The following ABCA13 variants were observed in gnomAD, a reference collection of about 807,000 sequenced individuals.
ABCA13 encodes the protein ATP-binding cassette sub-family A member 13.
Under a neutral mutation model 478.7 loss-of-function variants are expected in ABCA13, and 476 were observed. That is an observed-to-expected ratio of 0.99 (90% CI 0.92 to 1.07). The LOEUF is 1.07. ABCA13 is among the 50% of genes least tolerant of loss of function. The probability of loss-of-function intolerance (pLI) is 0.00; values close to 1 mark genes in which losing one functional copy is unlikely to be tolerated. For synonymous variants in ABCA13, 2,252 were observed against 2,158.9 expected (o/e 1.04, Z -1.20); for missense variants, 6,060 against 5,910.6 (o/e 1.03, Z -0.83).
rs776618097 is a variant in ABCA13 at position 48,274,846 on chromosome 7, A to G, written c.5180A>G (p.His1727Arg). Residue 1727 changes from histidine to arginine, a missense_variant, in exon 17 of 62, where the codon CAT becomes CGT. Physicochemically the swap from His to Arg is conservative, Grantham distance 29. This residue lies in a region of ABCA13 where 4,423 missense variants were observed against 4,309.1 expected (regional missense o/e 1.03). Transcript: ENST00000435803. ...ADSSHSWNVNHLLQLSRLFPK... is the reference protein window; with the variant it reads ...ADSSHSWNVNRLLQLSRLFPK... ...AGCTCACATTCTTGGAATGTTAATC[A>G]TCTGCTGCAGCTCTCACGCCTGTTT... is the stretch of plus-strand genomic sequence containing the variant. 2 of 1,613,804 alleles carry G rather than the reference A, an allele frequency of 1.2e-6. No individual in the cohort carries two copies. Among genetic ancestry groups the G allele is most frequent in the African/African-American group, 1.3e-5 (1 of 74,896 alleles).
In ABCA13 at chr7:48,580,433, CCTCTGG is replaced by C. The variant is rs1788603974; in HGVS notation, c.14505+63_14505+68del. On this transcript the variant is annotated intron_variant, in intron 56 of 61. Coordinates refer to ENST00000435803, the MANE Select transcript of ABCA13 (RefSeq NM_152701.5). ...CCCATTGAGGAATGCTTGGTGACCACCTCTGGCTCCAAGGCAGCTCTCTCACCCTAT... is the reference window on the plus strand; with the variant it reads ...CCCATTGAGGAATGCTTGGTGACCACCTCCAAGGCAGCTCTCTCACCCTAT... 1.6e-5 allele frequency: 25 copies of C among 1,537,622 alleles called. No individual in the cohort carries two copies. In the South Asian group the frequency reaches 3.0e-4, roughly 18 times the overall value.
chr7:48,322,542 C>G (rs1293610983), intron 27 of ABCA13, among the ~76,000 whole-genome samples: 1 of 152,180 alleles, frequency 6.6e-6, no homozygotes, highest in Non-Finnish European at 1.5e-5. Context: ...ATGTCTCTCC[C>G]TGTTCCCACT....
intron 40 of ABCA13, 115 bp from the exon 41 acceptor site, chr7:48,412,238 A>G: frequency 1.3e-6 from 1 of 743,508 alleles, no homozygotes; most frequent in East Asian, 2.7e-5. Flanking sequence ...TATTTCATTT[A>G]AGCTTTGAAA....
chr7:48,527,427 C>A (rs887929965), intron 54 of ABCA13, among the ~76,000 whole-genome samples: 1 of 152,074 alleles, frequency 6.6e-6, no homozygotes, highest in Non-Finnish European at 1.5e-5. Context: ...ATCCATAGAT[C>A]GCAGCTCCTA....
chr7:48,580,189 C>T, intron 55 of ABCA13, 35 bp from the exon 56 acceptor site: 1 of 1,558,768 alleles, frequency 6.4e-7, no homozygotes, highest in Non-Finnish European at 8.7e-7. Flanking sequence ...GTTTGGGAAA[C>T]TGCTGTTCTC....
At chr7:48,240,794 T>G in intron 9 of ABCA13, 73 bp from the exon 10 acceptor site, 1 of 1,282,740 alleles carries the variant, frequency 7.8e-7, no homozygotes. Context: ...GGTATGTTAA[T>G]ATTTCTTAAC....
At position 48,275,263 on chromosome 7, in the gene ABCA13, C is replaced by A; in HGVS notation, c.5597C>A (p.Pro1866His). ...ASILDHFHLS[P>H]QGEDSPCSNE... ...ATACTTGATCATTTCCACCTGTCTC[C>A]CCAAGGTGAAGATTCACCATGTTCA... Residue 1866 changes from proline to histidine, a missense_variant, in exon 17 of 62, where the codon CCC becomes CAC. Transcript: ENST00000435803. The A allele has an allele frequency of 6.2e-7, 1 of 1,613,804 alleles. No individual in the cohort carries two copies. Among genetic ancestry groups the A allele is most frequent in the Non-Finnish European group, 8.5e-7 (1 of 1,179,836 alleles).
chr7:48,195,010 C>T (rs1405483862), intron 2 of ABCA13, among the ~76,000 whole-genome samples: 1 of 152,158 alleles, frequency 6.6e-6, no homozygotes, highest in Non-Finnish European at 1.5e-5. Context: ...GGATTTTATA[C>T]AGGGAGCCAT....
At chr7:48,201,583 G>A (rs1023064754) in intron 3 of ABCA13, among the ~76,000 whole-genome samples, 16 of 152,160 alleles carry the variant, frequency 1.1e-4, no homozygotes, top group African/African-American at 9.7e-5. Context: ...AGCTGGGCGT[G>A]GTGGCAGGCA....
In ABCA13 at chr7:48,352,246, C is replaced by T. The variant is rs1809132227; in HGVS notation, c.10447C>T (p.His3483Tyr). The T allele has an allele frequency of 6.2e-7, 1 of 1,613,216 alleles. No homozygotes were observed. The highest frequency in any genetic ancestry group is 8.5e-7 in the Non-Finnish European group (1 of 1,179,366). The change falls in exon 31 of 62, where the codon CAT becomes TAT. Residue 3483 changes from histidine to tyrosine, a missense_variant. By Grantham distance (83) the His-to-Tyr change is moderately conservative. Coordinates refer to ENST00000435803, the MANE Select transcript of ABCA13 (RefSeq NM_152701.5). ...ATCAGAGTCTGTCAAACTGCCACCC[C>T]ATGTCTCATACACAATCCGGACCAA... ...FRSESVKLPP[H>Y]VSYTIRTNVL...
intron 57 of ABCA13, among the ~76,000 whole-genome samples, chr7:48,591,075 T>G: frequency 6.8e-6 from 1 of 147,526 alleles, no homozygotes; most frequent in Non-Finnish European, 1.5e-5. Context: ...AAGGAGCTCT[T>G]CTTTTTTTTT....
At chr7:48,293,418 G>A (rs865940010) in intron 20 of ABCA13, among the ~76,000 whole-genome samples, 4 of 152,130 alleles carry the variant, frequency 2.6e-5, no homozygotes, top group Admixed American at 6.5e-5. Context: ...GTTTTACTTC[G>A]ACAGAAATAT....
At chr7:48,642,186 CAG>C (rs1795144086) in intron 59 of ABCA13, among the ~76,000 whole-genome samples, 2 of 152,152 alleles carry the variant, frequency 1.3e-5, no homozygotes, top group African/African-American at 4.8e-5. Flanking sequence ...GACAGAAAAA[CAG>C]AACACCAGGG....
Position 48,533,750 on chromosome 7 carries a change from T to C in ABCA13, c.14354+5405T>C, listed in dbSNP as rs751656156. Among the ~76,000 whole-genome samples, 67 of 152,120 alleles carry C rather than the reference T, an allele frequency of 4.4e-4. 1 individual carries two copies. The highest frequency in any genetic ancestry group is 3.5e-4 in the Non-Finnish European group (24 of 67,976). On this transcript the variant is annotated intron_variant, in intron 55 of 61. Transcript: ENST00000435803. The stretch of plus-strand genomic sequence containing the variant: ...GTCCTTTTGTCATTATATAATGTCC[T>C]TCTTTATCTTTTTTTTAACTGCAGT...
At chr7:48,226,539 C>A (rs1257221551) in intron 5 of ABCA13, among the ~76,000 whole-genome samples, 1 of 152,158 alleles carries the variant, frequency 6.6e-6, no homozygotes, top group Non-Finnish European at 1.5e-5. Flanking sequence ...GTCTAAAATG[C>A]AGGACTCACT....
At position 48,367,700 on chromosome 7, in the gene ABCA13, C is replaced by G. The variant is rs1585032973; in HGVS notation, c.10689-94C>G. ...AGAAATGACCAAAGGAGATATCACT[C>G]CTGAAAGAGCTTTCTAACTTGGAAG... On this transcript the variant is annotated intron_variant, in intron 31 of 61. Transcript: ENST00000435803. 5 of 950,812 alleles carry G rather than the reference C, an allele frequency of 5.3e-6. No individual in the cohort carries two copies. In the Admixed American group the frequency reaches 1.0e-4, roughly 19 times the overall value. 58.9% of individuals were successfully genotyped at this position (950,812 alleles called of 1,614,324 possible).
At chr7:48,295,487 A>G (rs1209597449) in intron 20 of ABCA13, among the ~76,000 whole-genome samples, 1 of 152,190 alleles carries the variant, frequency 6.6e-6, no homozygotes, top group African/African-American at 2.4e-5. Context: ...GTGTTCAAGA[A>G]CAAGCTGTCT....
chr7:48,335,426 A>C lies in ABCA13; in HGVS notation c.10004A>C (p.Asn3335Thr), dbSNP rs971200245. 5 of 1,602,650 alleles carry C rather than the reference A, an allele frequency of 3.1e-6. No individual in the cohort carries two copies. The Admixed American group carries it at 8.5e-5, about 27-fold the overall frequency. Reference sequence around the variant, plus strand: ...CAAATATGCTTCATTTTGCAGGCTAATTACACCTTTTATATTGTGGACAAA... The same window carrying C: ...CAAATATGCTTCATTTTGCAGGCTACTTACACCTTTTATATTGTGGACAAA... ...PEINKVIQKANYTFYIVDKLK... is the reference protein window; with the variant it reads ...PEINKVIQKATYTFYIVDKLK... Residue 3335 changes from asparagine to threonine, a missense_variant, in exon 28 of 62, where the codon AAT becomes ACT. Around this residue, in one of 3 missense-constraint regions of ABCA13, gnomAD observed 4,423 missense variants for 4,309.1 expected, o/e 1.03. Transcript: ENST00000435803.
intron 41 of ABCA13, among the ~76,000 whole-genome samples, 189 bp downstream of exon 41, chr7:48,412,772 G>T (rs761380113): frequency 2.0e-5 from 3 of 147,372 alleles, no homozygotes; most frequent in Non-Finnish European, 4.5e-5. Context: ...CTGACAGGTG[G>T]CAATTGCCCT....
Sources: gnomAD v4.1 joint callset for allele counts (sites outside exome capture counted in the v4.1 genomes callset) on GRCh38, gnomAD v4.1.1 for gene constraint, gnomAD v4.1.1 regional missense constraint, MANE v1.5 for transcripts, NCBI Gene and HGNC (gene_info 2026-07-23, HGNC 2026-07-21) for gene names.